Variants in TLE4 observed in about 807,000 individuals in gnomAD.
TLE4 encodes the protein transducin-like enhancer protein 4.
Under a neutral mutation model 92.8 loss-of-function variants are expected in TLE4, and 8 were observed. That is an observed-to-expected ratio of 0.09 (90% confidence interval 0.05 to 0.16). The LOEUF (loss-of-function observed/expected upper bound fraction) is 0.16, where lower values mean the gene tolerates loss of function less well. TLE4 is among the 10% of genes least tolerant of loss of function. The pLI is 1.00. For missense variants in TLE4, 675 were observed against 997.6 expected (o/e 0.68, Z 4.36); for synonymous variants, 371 against 374.1 (o/e 0.99, Z 0.10).
chr9:79,614,336 T>G (rs955633755), intron 5 of TLE4, among the ~76,000 whole-genome samples: 1 of 152,134 alleles, frequency 6.6e-6, no homozygotes, highest in African/African-American at 2.4e-5. Flanking sequence ...CTCATCACAT[T>G]TCTGCAGGAT....
chr9:79,617,251 A>ATT lies in TLE4; in HGVS notation c.315+4545_315+4546dup, dbSNP rs899347568. The stretch of plus-strand genomic sequence containing the variant: ...CAGGTTATCTTTCAGGAGGAAGGGA[A>ATT]TTTTTTTTTTTTTAAGTAAACCAGT... On this transcript the variant is annotated intron_variant, in intron 5 of 19. Coordinates refer to ENST00000376552, the MANE Select transcript of TLE4 (RefSeq NM_007005.6). Among the ~76,000 whole-genome samples, 103 of 146,906 alleles carry ATT rather than the reference A, an allele frequency of 7.0e-4. No individual in the cohort carries two copies. The Middle Eastern group carries it at 0.014, about 20-fold the overall frequency.
At chr9:79,716,683 G>A (rs12348151) in intron 14 of TLE4, among the ~76,000 whole-genome samples, 15,963 of 152,142 alleles carry the variant, frequency 0.1, 946 homozygotes, top group African/African-American at 0.14. Flanking sequence ...CAGACAATTC[G>A]TACCCATTCT....
intron 2 of TLE4, 51 bp from the exon 3 acceptor site, chr9:79,574,822 A>C (rs745326552): frequency 2.0e-6 from 3 of 1,479,046 alleles, no homozygotes; most frequent in South Asian, 2.3e-5. Flanking sequence ...TTAAGAGTTG[A>C]AGGATGTAAG....
chr9:79,594,375 G>A (rs1033352164), intron 4 of TLE4, among the ~76,000 whole-genome samples: 1 of 152,186 alleles, frequency 6.6e-6, no homozygotes, highest in Non-Finnish European at 1.5e-5. Flanking sequence ...TATAGTTCAT[G>A]AAGTCTGTGT....
chr9:79,660,574 T>C (rs2060386404), intron 8 of TLE4, among the ~76,000 whole-genome samples: 1 of 152,258 alleles, frequency 6.6e-6, no homozygotes, highest in Admixed American at 6.5e-5. Context: ...TACAAGACTT[T>C]TAGGTATTTA....
chr9:79,703,946 T>G (rs180802788), intron 8 of TLE4, among the ~76,000 whole-genome samples: 38 of 152,162 alleles, frequency 2.5e-4, no homozygotes, highest in African/African-American at 8.7e-4. Flanking sequence ...TTTTTTTTCA[T>G]TGACTTACTA....
At chr9:79,719,482 C>T (rs1295923505) in intron 15 of TLE4, among the ~76,000 whole-genome samples, 1 of 152,130 alleles carries the variant, frequency 6.6e-6, no homozygotes, top group Non-Finnish European at 1.5e-5. Context: ...ACCTCATGAG[C>T]TAGGAGGAAC....
At chr9:79,720,557 CCTTGA>C (rs897014534) in intron 16 of TLE4, among the ~76,000 whole-genome samples, 22 of 152,064 alleles carry the variant, frequency 1.4e-4, no homozygotes, top group African/African-American at 5.1e-4. Context: ...TTTTTTCCTT[CCTTGA>C]CTTATACTAA....
chr9:79,613,390 G>A (rs1360048022), intron 5 of TLE4, among the ~76,000 whole-genome samples: 1 of 152,100 alleles, frequency 6.6e-6, no homozygotes, highest in African/African-American at 2.4e-5. Context: ...ACAGGCACAG[G>A]TTGGAATAAA....
At chr9:79,707,012 T>C in intron 11 of TLE4, 113 bp downstream of exon 11, 1 of 1,556,446 alleles carries the variant, frequency 6.4e-7, no homozygotes, top group South Asian at 1.2e-5. Context: ...TATTTCCAAA[T>C]GTATATATGT....
intron 8 of TLE4, among the ~76,000 whole-genome samples, chr9:79,701,737 AAAAGG>A (rs778700547): frequency 3.4e-4 from 52 of 152,308 alleles, no homozygotes; most frequent in Admixed American, 6.5e-4. Flanking sequence ...TGATGCTCAG[AAAAGG>A]AATGTATCAT....
intron 5 of TLE4, among the ~76,000 whole-genome samples, chr9:79,614,789 A>G (rs1320748233): frequency 1.3e-5 from 2 of 151,742 alleles, no homozygotes; most frequent in Non-Finnish European, 2.9e-5. Context: ...ACAGTATGAG[A>G]TTTTTCTTTG....
intron 4 of TLE4, among the ~76,000 whole-genome samples, chr9:79,605,725 A>G (rs2046680834): frequency 6.6e-6 from 1 of 152,166 alleles, no homozygotes. Flanking sequence ...GAGCACCACA[A>G]ACAGTAGCCC....
intron 8 of TLE4, among the ~76,000 whole-genome samples, chr9:79,686,891 A>C (rs978457873): frequency 6.6e-6 from 1 of 152,210 alleles, no homozygotes; most frequent in Non-Finnish European, 1.5e-5. Context: ...TCAGTGAAGT[A>C]CTTGCTGTAT....
intron 5 of TLE4, among the ~76,000 whole-genome samples, chr9:79,625,233 A>G (rs1208706429): frequency 1.6e-3 from 239 of 151,174 alleles, no homozygotes; most frequent in African/African-American, 5.4e-3. Context: ...TTTAGCCGGG[A>G]TGGTCTCGAT....
chr9:79,612,594 T>TG, intron 4 of TLE4, 62 bp from the exon 5 acceptor site: 1 of 1,397,676 alleles, frequency 7.2e-7, no homozygotes, highest in Non-Finnish European at 1.0e-6. Context: ...TGTTAATATT[T>TG]GGGGAATCTG....
chr9:79,670,666 A>G (rs961264415), intron 8 of TLE4, among the ~76,000 whole-genome samples: 38 of 152,154 alleles, frequency 2.5e-4, no homozygotes, highest in African/African-American at 9.2e-4. Context: ...ACTTCTGTGC[A>G]TGTGGCATGC....
chr9:79,631,699 G>A (rs1200217101), intron 6 of TLE4, among the ~76,000 whole-genome samples: 1 of 148,166 alleles, frequency 6.7e-6, no homozygotes, highest in East Asian at 2.0e-4. Flanking sequence ...GGGTCTTGCA[G>A]TATGACTGTT....
rs937145559 is a variant in TLE4 at position 79,572,069 on chromosome 9, G to T, written c.-722G>T. ...ATTATTTTGAGGTGGTGTTCGCAGAGTTTGAAAGGAGAGAGAATTAAAAAA... is the reference window on the plus strand; with the variant it reads ...ATTATTTTGAGGTGGTGTTCGCAGATTTTGAAAGGAGAGAGAATTAAAAAA... On this transcript the variant is annotated 5_prime_UTR_variant, in exon 1 of 20. Transcript: ENST00000376552. 1 of 151,356 alleles carries T rather than the reference G, an allele frequency of 6.6e-6. No individual in the cohort carries two copies. The highest frequency in any genetic ancestry group is 6.6e-5 in the Admixed American group (1 of 15,212). 9.4% of individuals were successfully genotyped at this position (151,356 alleles called of 1,614,324 possible). A position where few individuals can be genotyped will look rare whatever the true frequency, so the allele number is the denominator to read the frequency against.
Sources: gnomAD v4.1 joint callset for allele counts (sites outside exome capture counted in the v4.1 genomes callset) on GRCh38, gnomAD v4.1.1 for gene constraint, MANE v1.5 for transcripts, NCBI Gene and HGNC (gene_info 2026-07-23, HGNC 2026-07-21) for gene names.